TSGA10: variants seen among roughly 807,000 people sequenced by gnomAD.
TSGA10 encodes the protein testis specific 10.
TSGA10 carries 43 observed loss-of-function variants against 96.6 expected under a neutral mutation model. The ratio of observed to expected loss-of-function variants is 0.44; its 90% CI spans 0.35 to 0.57. The LOEUF is 0.57. Among genes scored for constraint, TSGA10 ranks in the 20% least tolerant of loss-of-function variants. The pLI is 0.01. For missense variants in TSGA10, 703 were observed against 834.4 expected (o/e 0.84, Z 1.94); for synonymous variants, 229 against 269.9 (o/e 0.85, Z 1.48).
At chr2:99,041,269 C>T (rs2082156410) in intron 16 of TSGA10, among the ~76,000 whole-genome samples, 1 of 152,218 alleles carries the variant, frequency 6.6e-6, no homozygotes, top group Non-Finnish European at 1.5e-5. Flanking sequence ...CTGCAATGGG[C>T]ACCCTTTCTG....
At chr2:99,099,307 C>T (rs181736814) in intron 10 of TSGA10, among the ~76,000 whole-genome samples, 2 of 151,906 alleles carry the variant, frequency 1.3e-5, no homozygotes, top group East Asian at 3.9e-4. Context: ...AGTGAAACTC[C>T]GTCTCAAAAA....
intron 16 of TSGA10, among the ~76,000 whole-genome samples, chr2:99,046,460 T>G (rs998886025): frequency 2.0e-5 from 3 of 152,130 alleles, no homozygotes; most frequent in African/African-American, 7.2e-5. Flanking sequence ...AACAACCTGC[T>G]CCTGAATGAC....
chr2:99,145,220 A>G (rs369971364), intron 1 of TSGA10, among the ~76,000 whole-genome samples: 2 of 152,038 alleles, frequency 1.3e-5, no homozygotes, highest in Admixed American at 6.6e-5. Flanking sequence ...TCCTCCTCAC[A>G]TTGCATCATG....
intron 3 of TSGA10, among the ~76,000 whole-genome samples, chr2:99,118,172 C>T (rs2092376528): frequency 6.6e-6 from 1 of 151,570 alleles, no homozygotes; most frequent in Non-Finnish European, 1.5e-5. Flanking sequence ...TCTTTTAGGC[C>T]AGGCATGGTG....
chr2:99,028,368 T>C (rs1442254957), intron 17 of TSGA10, among the ~76,000 whole-genome samples: 5 of 152,194 alleles, frequency 3.3e-5, no homozygotes, highest in Non-Finnish European at 5.9e-5. Context: ...TTAAGGAATA[T>C]AACATGATGT....
At chr2:99,075,460 T>C (rs922630560) in intron 12 of TSGA10, among the ~76,000 whole-genome samples, 2 of 152,148 alleles carry the variant, frequency 1.3e-5, no homozygotes, top group African/African-American at 4.8e-5. Context: ...TAGCAAGTAG[T>C]AAAACATCTT....
chr2:99,097,523 T>C (rs1365069513), intron 10 of TSGA10, among the ~76,000 whole-genome samples: 1 of 152,200 alleles, frequency 6.6e-6, no homozygotes. Flanking sequence ...GTTACTGTTC[T>C]AAGGTTCTTG....
chr2:99,114,641 C>T (rs2104889277), intron 4 of TSGA10, among the ~76,000 whole-genome samples: 1 of 152,238 alleles, frequency 6.6e-6, no homozygotes, highest in African/African-American at 2.4e-5. Context: ...CAAAATTCCA[C>T]CTGTAAATTT....
intron 1 of TSGA10, chr2:99,148,235 T>C (rs756789384): frequency 3.9e-5 from 6 of 152,230 alleles, no homozygotes; most frequent in African/African-American, 1.4e-4. Flanking sequence ...GACAGGAGTA[T>C]TTCCTTTCTA....
intron 10 of TSGA10, chr2:99,102,336 G>T: frequency 6.2e-7 from 1 of 1,612,314 alleles, no homozygotes; most frequent in South Asian, 1.1e-5. Context: ...GAGTGAGAGG[G>T]GTTCTAGCTC....
At chr2:99,012,703 A>T (rs537030423) in intron 20 of TSGA10, among the ~76,000 whole-genome samples, 1 of 152,330 alleles carries the variant, frequency 6.6e-6, no homozygotes, top group East Asian at 1.9e-4. Flanking sequence ...AGACCCAGGA[A>T]ATGAGATGCA....
At chr2:99,051,246 G>C (rs537659193) in intron 16 of TSGA10, among the ~76,000 whole-genome samples, 2 of 152,026 alleles carry the variant, frequency 1.3e-5, no homozygotes, top group Non-Finnish European at 2.9e-5. Context: ...CTGTCTGTAA[G>C]GGACACACTT....
At chr2:99,073,235 A>G (rs1027753588) in intron 12 of TSGA10, among the ~76,000 whole-genome samples, 162 bp from the exon 13 acceptor site, 5 of 152,220 alleles carry the variant, frequency 3.3e-5, no homozygotes, top group African/African-American at 1.2e-4. Context: ...TAGTATATCA[A>G]TGTGAATATT....
intron 10 of TSGA10, among the ~76,000 whole-genome samples, chr2:99,094,041 A>T (rs1205396053): frequency 2.6e-5 from 4 of 152,114 alleles, no homozygotes; most frequent in Non-Finnish European, 5.9e-5. Flanking sequence ...CATGGTACTG[A>T]TATAAAAATA....
At chr2:99,065,427 G>A (rs2085158800) in intron 15 of TSGA10, among the ~76,000 whole-genome samples, 1 of 152,080 alleles carries the variant, frequency 6.6e-6, no homozygotes, top group Non-Finnish European at 1.5e-5. Context: ...TTTGTTTGAA[G>A]TCCTCCACAG....
intron 12 of TSGA10, among the ~76,000 whole-genome samples, chr2:99,074,294 G>T (rs146575097): frequency 6.6e-6 from 1 of 151,746 alleles, no homozygotes; most frequent in East Asian, 1.9e-4. Context: ...GATTACAGGC[G>T]TAAGCCACTG....
intron 20 of TSGA10, among the ~76,000 whole-genome samples, chr2:99,014,359 C>A (rs957131374): frequency 6.6e-6 from 1 of 151,744 alleles, no homozygotes; most frequent in Non-Finnish European, 1.5e-5. Context: ...TAATTATCAT[C>A]ATCATCATCA....
chr2:99,017,781 A>T (rs987637495), intron 20 of TSGA10, among the ~76,000 whole-genome samples: 1 of 150,706 alleles, frequency 6.6e-6, no homozygotes, highest in Non-Finnish European at 1.5e-5. Context: ...AAAAAAAAAA[A>T]GAATGATACA....
rs145417199 is a variant in TSGA10 at position 99,013,193 on chromosome 2, G to A, written c.2072+5007C>T. On this transcript the variant is annotated intron_variant, in intron 20 of 20. Coordinates refer to ENST00000393483, the MANE Select transcript of TSGA10 (RefSeq NM_025244.4). ...TGAACTTTTCTTAGTACTACTTTTG[G>A]TGTATCCCAGAGGTTTTGATAAGTT... 6.1e-3 allele frequency among the ~76,000 whole-genome samples: 925 copies of A among 152,086 alleles called. 6 individuals carry two copies. The highest frequency in any genetic ancestry group is 0.021 in the African/African-American group (880 of 41,484).
Sources: gnomAD v4.1 joint callset for allele counts (sites outside exome capture counted in the v4.1 genomes callset) on GRCh38, gnomAD v4.1.1 for gene constraint, MANE v1.5 for transcripts, NCBI Gene and HGNC (gene_info 2026-07-23, HGNC 2026-07-21) for gene names.